Variants in PDS5A observed in about 807,000 individuals in gnomAD.
PDS5A encodes sister chromatid cohesion protein PDS5 homolog A.
A neutral mutation model predicts 167.1 loss-of-function variants in PDS5A; 42 were observed. The ratio of observed to expected loss-of-function variants is 0.25; its 90% CI spans 0.20 to 0.33. The LOEUF is 0.33. Ranked by LOEUF, PDS5A falls within the 10% of genes least tolerant of loss-of-function variation. PDS5A has a pLI of 1.00. For synonymous variants in PDS5A, 553 were observed against 554.6 expected (o/e 1.00, Z 0.04); for missense variants, 1,033 against 1,605.9 (o/e 0.64, Z 6.10).
intron 21 of PDS5A, among the ~76,000 whole-genome samples, chr4:39,872,556 T>C (rs1026220125): frequency 2.6e-4 from 40 of 152,024 alleles, no homozygotes; most frequent in Non-Finnish European, 3.7e-4. Flanking sequence ...TCCCAGCTAC[T>C]TGGGAGGCTG....
intron 2 of PDS5A, among the ~76,000 whole-genome samples, chr4:39,951,403 A>G (rs1728340709): frequency 6.6e-6 from 1 of 152,226 alleles, no homozygotes; most frequent in African/African-American, 2.4e-5. Flanking sequence ...GATGTGTCTC[A>G]AAATCAGCAG....
rs776690164 is a variant in PDS5A, at chr4:39,837,864, G to A, written c.4002C>T (p.Asp1334=). Residue 1334 remains aspartate (D), a synonymous_variant, in exon 32 of 33, where the codon GAC becomes GAT. Coordinates refer to ENST00000303538, the MANE Select transcript of PDS5A (RefSeq NM_001100399.2). ...AGAATGGCGTACATTACCTTTGTAA[G>A]TCAATTTGTCTTTCTGCTGGTGCTG... is the stretch of plus-strand genomic sequence containing the variant. ...KKAAPAERQI[D]LQR 164 of 1,607,164 alleles carry A rather than the reference G, an allele frequency of 1.0e-4. No individual in the cohort carries two copies. Among genetic ancestry groups the A allele is most frequent in the Middle Eastern group, 1.7e-4 (1 of 6,036 alleles).
chr4:39,825,574 T>G, intron 32 of PDS5A, 86 bp from the exon 33 acceptor site: 1 of 1,036,324 alleles, frequency 9.6e-7, no homozygotes, highest in East Asian at 2.8e-5. Flanking sequence ...CCATAGTTGT[T>G]ATCTAAAATC....
intron 11 of PDS5A, among the ~76,000 whole-genome samples, chr4:39,907,733 C>G (rs35949153): frequency 0.22 from 33,470 of 151,938 alleles, 4,661 homozygotes; most frequent in Middle Eastern, 0.33. Context: ...CCTACAGGTG[C>G]CCGCCACCAT....
intron 2 of PDS5A, among the ~76,000 whole-genome samples, chr4:39,962,988 TTA>T (rs1491006716): frequency 7.3e-6 from 1 of 137,542 alleles, no homozygotes. Context: ...ATAAAAATGG[TTA>T]AGAGAGTAAA....
chr4:39,971,679 C>G (rs1484477612), intron 2 of PDS5A, among the ~76,000 whole-genome samples: 2 of 152,038 alleles, frequency 1.3e-5, no homozygotes, highest in African/African-American at 4.8e-5. Flanking sequence ...AGGCTGGTCT[C>G]GAACTCCTGA....
intron 32 of PDS5A, among the ~76,000 whole-genome samples, chr4:39,834,966 AT>A (rs1716257273): frequency 6.6e-6 from 1 of 152,120 alleles, no homozygotes; most frequent in Non-Finnish European, 1.5e-5. Flanking sequence ...CTAATTTTGT[AT>A]TTAATTTATA....
chr4:39,905,560 C>CA (rs914831881), intron 11 of PDS5A, among the ~76,000 whole-genome samples: 3 of 151,288 alleles, frequency 2.0e-5, no homozygotes, highest in Non-Finnish European at 3.0e-5. Context: ...TCTGTCTCAA[C>CA]AAAAAAACAA....
chr4:39,832,576 G>A (rs1386013452), intron 32 of PDS5A, among the ~76,000 whole-genome samples: 1 of 152,038 alleles, frequency 6.6e-6, no homozygotes, highest in East Asian at 1.9e-4. Flanking sequence ...CTAGTTTGAG[G>A]CACTGAAAAT....
rs1578653479 is a variant in PDS5A at position 39,877,416 on chromosome 4, T to A, written c.1993-263A>T. Reference sequence around the variant, plus strand: ...TTCTTCTTCACCTCTTAGTCTACTCTGCTACTTAGAACACAAAACACATGG... The same window carrying A: ...TTCTTCTTCACCTCTTAGTCTACTCAGCTACTTAGAACACAAAACACATGG... On this transcript the variant is annotated intron_variant, in intron 18 of 32. Coordinates refer to ENST00000303538, the MANE Select transcript of PDS5A (RefSeq NM_001100399.2). 2.0e-5 allele frequency among the ~76,000 whole-genome samples: 3 copies of A among 152,326 alleles called. No individual in the cohort carries two copies. In the South Asian group the frequency reaches 6.2e-4, roughly 32 times the overall value.
chr4:39,888,690 C>CAAA lies in PDS5A; in HGVS notation c.1886+1556_1886+1558dup, dbSNP rs3070900. Among the ~76,000 whole-genome samples, 4 of 149,332 alleles carry CAAA rather than the reference C, an allele frequency of 2.7e-5. No individual in the cohort carries two copies. The South Asian group carries it at 8.4e-4, about 31-fold the overall frequency. ...GTTAAATAAAACAAGCCAAGAACAACAAAAAAAAAACAAATATTGCATATT... is the reference window on the plus strand; with the variant it reads ...GTTAAATAAAACAAGCCAAGAACAACAAAAAAAAAAAAACAAATATTGCATATT... On this transcript the variant is annotated intron_variant, in intron 17 of 32. Coordinates refer to ENST00000303538, the MANE Select transcript of PDS5A (RefSeq NM_001100399.2).
intron 26 of PDS5A, among the ~76,000 whole-genome samples, chr4:39,852,486 T>C (rs534412905): frequency 6.6e-6 from 1 of 152,200 alleles, no homozygotes; most frequent in African/African-American, 2.4e-5. Flanking sequence ...AGAATATACT[T>C]TCCCTCCAAA....
Position 39,928,549 on chromosome 4 carries a change from C to A in PDS5A, c.139-385G>T, listed in dbSNP as rs891022560. ...CTTTTATATTTTATTATTAAAGGAG[C>A]CTTCTTCAGGCTCCTTAAAATTGCT... On this transcript the variant is annotated intron_variant, in intron 2 of 32. Transcript: ENST00000303538. 2.6e-5 allele frequency among the ~76,000 whole-genome samples: 4 copies of A among 152,026 alleles called. No homozygotes were observed. The South Asian group carries it at 6.2e-4, about 24-fold the overall frequency.
chr4:39,859,147 T>C (rs916546664), intron 26 of PDS5A, among the ~76,000 whole-genome samples: 2 of 152,146 alleles, frequency 1.3e-5, no homozygotes, highest in Admixed American at 6.5e-5. Context: ...TCCACTTAAA[T>C]GTATGATTAA....
chr4:39,906,371 CA>C (rs1264103030), intron 11 of PDS5A, among the ~76,000 whole-genome samples: 41 of 133,748 alleles, frequency 3.1e-4, no homozygotes, highest in East Asian at 6.4e-4. Context: ...CTGTCTCAAA[CA>C]AAAAAAAAAA....
At chr4:39,899,914 T>C (rs372567167) in intron 14 of PDS5A, among the ~76,000 whole-genome samples, 153 of 151,334 alleles carry the variant, frequency 1.0e-3, no homozygotes, top group African/African-American at 3.6e-3. Context: ...CCATGTGTCC[T>C]TGAGGGGTCT....
At chr4:39,876,135 T>C (rs1319168085) in intron 19 of PDS5A, among the ~76,000 whole-genome samples, 1 of 152,120 alleles carries the variant, frequency 6.6e-6, no homozygotes, top group Non-Finnish European at 1.5e-5. Context: ...ATAGTTTCTT[T>C]GCCTTGAAAA....
In PDS5A at chr4:39,916,916, G is replaced by T. The variant is rs893657295; in HGVS notation, c.876+132C>A. The T allele has an allele frequency of 1.2e-5, 6 of 482,884 alleles. No homozygotes were observed. The Admixed American group carries it at 2.6e-4, about 21-fold the overall frequency. The allele number at this position is 482,884 out of a possible 1,614,324, so 29.9% of individuals were successfully genotyped here. ...TGAAGTCACACTTTATTCTTCTACA[G>T]TTACAGAAAAATTATGCGGTATACA... On this transcript the variant is annotated intron_variant, in intron 8 of 32. Coordinates refer to ENST00000303538, the MANE Select transcript of PDS5A (RefSeq NM_001100399.2).
At chr4:39,849,359 A>C (rs75861259) in intron 27 of PDS5A, among the ~76,000 whole-genome samples, 161 bp downstream of exon 27, 1 of 150,108 alleles carries the variant, frequency 6.7e-6, no homozygotes, top group African/African-American at 2.4e-5. Flanking sequence ...AATAAAATTC[A>C]CTTGTAATGA....
Sources: allele counts gnomAD v4.1 joint callset (sites outside exome capture counted in the v4.1 genomes callset), GRCh38; gene constraint gnomAD v4.1.1; transcripts MANE v1.5; gene names NCBI Gene and HGNC (gene_info 2026-07-23, HGNC 2026-07-21).